The following MSH6 variants were observed in gnomAD, a reference collection of about 807,000 sequenced individuals.
MSH6 encodes the protein mutS homolog 6.
A neutral mutation model predicts 119.1 loss-of-function variants in MSH6; 85 were observed. The ratio of observed to expected loss-of-function variants is 0.71; its 90% CI spans 0.60 to 0.85. The LOEUF (loss-of-function observed/expected upper bound fraction) is 0.85. Ranked by LOEUF, MSH6 falls within the 40% of genes least tolerant of loss-of-function variation. The probability of loss-of-function intolerance (pLI) is 0.00; values close to 1 mark genes in which losing one functional copy is unlikely to be tolerated. For synonymous variants in MSH6, 830 were observed against 586.9 expected (o/e 1.41, Z -5.99); for missense variants, 2,163 against 1,655.3 (o/e 1.31, Z -5.32).
At chr2:47,792,992 A>G (rs1016927171) in intron 2 of MSH6, among the ~76,000 whole-genome samples, 8 of 150,684 alleles carry the variant, frequency 5.3e-5, no homozygotes, top group South Asian at 4.2e-4. Flanking sequence ...TTATTTTCTG[A>G]TACTGTTTAC....
Position 47,799,041 on chromosome 2 carries a change from G to A in MSH6, c.1058G>A (p.Ser353Asn), listed in dbSNP as rs1465861885. The A allele has an allele frequency of 6.2e-7, 1 of 1,614,080 alleles. No homozygotes were observed. The highest frequency in any genetic ancestry group is 8.5e-7 in the Non-Finnish European group (1 of 1,180,036). Residue 353 changes from serine (S) to asparagine (N), a missense_variant, in exon 4 of 10, where the codon AGT (serine) becomes AAT (asparagine). Transcript: ENST00000234420. ...AATTCTGAATCCCAAGCCCACGTTA[G>A]TGGAGGTGGTGATGACAGTAGTCGC... Reference protein sequence around the residue: ...PQNSESQAHVSGGGDDSSRPT... With the variant: ...PQNSESQAHVNGGGDDSSRPT...
At chr2:47,785,763 T>A (rs1450122410) in intron 1 of MSH6, among the ~76,000 whole-genome samples, 2 of 152,192 alleles carry the variant, frequency 1.3e-5, no homozygotes, top group African/African-American at 2.4e-5. Flanking sequence ...TGAGCATGAA[T>A]TGATTGTTGA....
intron 3 of MSH6, among the ~76,000 whole-genome samples, 156 bp from the exon 4 acceptor site, chr2:47,798,455 C>T (rs1014558835): frequency 2.0e-5 from 3 of 152,122 alleles, no homozygotes; most frequent in Non-Finnish European, 2.9e-5. Context: ...TAAGGAATTG[C>T]CTATCTCATG....
intron 4 of MSH6, among the ~76,000 whole-genome samples, chr2:47,802,889 T>C (rs145531898): frequency 4.8e-4 from 73 of 152,240 alleles, no homozygotes; most frequent in African/African-American, 1.7e-3. Flanking sequence ...GGCTTAAGTG[T>C]AGCATGTTTC....
Position 47,806,528 on chromosome 2 carries a change from C to A in MSH6, c.3878C>A (p.Ala1293Asp), listed in dbSNP as rs764835191. ...ITFLYKFIKG[A>D]CPKSYGFNAA... ...TTCCTCTATAAATTCATTAAGGGAG[C>A]TTGTCCTAAAAGCTATGGCTTTAAT... Residue 1293 changes from alanine to aspartate, a missense_variant, in exon 9 of 10, where the codon GCT (alanine) becomes GAT (aspartate). Ala to Asp is a moderately radical substitution (Grantham distance 126, BLOSUM62 -2). Coordinates refer to ENST00000234420, the MANE Select transcript of MSH6 (RefSeq NM_000179.3). 3 of 1,613,936 alleles carry A rather than the reference C, an allele frequency of 1.9e-6. No individual in the cohort carries two copies. The highest frequency in any genetic ancestry group is 2.5e-6 in the Non-Finnish European group (3 of 1,179,908).
downstream of MSH6, chr2:47,809,141 ATATATTT>A (rs1670441134): frequency 6.9e-7 from 1 of 1,442,954 alleles, no homozygotes; most frequent in Non-Finnish European, 9.6e-7. Context: ...CAGGACTCAA[ATATATTT>A]CTAAGTTACC....
intron 1 of MSH6, among the ~76,000 whole-genome samples, chr2:47,787,475 T>C: frequency 6.6e-6 from 1 of 152,206 alleles, no homozygotes; most frequent in Non-Finnish European, 1.5e-5. Context: ...TTTTAACATT[T>C]ATTTTGTGAG....
At chr2:47,809,917 C>G (rs765269112), downstream of MSH6, 27 of 541,812 alleles carry the variant, frequency 5.0e-5, no homozygotes, top group Non-Finnish European at 8.5e-5. Context: ...AACTTTCGCA[C>G]CAACCTAACT....
At chr2:47,784,046 A>G in intron 1 of MSH6, 2 of 1,014,896 alleles carry the variant, frequency 2.0e-6, no homozygotes, top group Non-Finnish European at 2.4e-6. Flanking sequence ...GTAGACACTT[A>G]GAGGTAGTTA....
chr2:47,802,248 C>A (rs1669645380), intron 4 of MSH6, among the ~76,000 whole-genome samples: 1 of 152,236 alleles, frequency 6.6e-6, no homozygotes, highest in Non-Finnish European at 1.5e-5. Context: ...GCAACCATCT[C>A]AACTTCATAA....
chr2:47,805,157 T>G, intron 6 of MSH6, 130 bp downstream of exon 6: 4 of 722,476 alleles, frequency 5.5e-6, no homozygotes, highest in Middle Eastern at 2.6e-4. Context: ...AAACATCACT[T>G]TTTAAGAACT....
chr2:47,804,263 A>G (rs916776621), intron 5 of MSH6, among the ~76,000 whole-genome samples: 1 of 152,120 alleles, frequency 6.6e-6, no homozygotes. Context: ...GATGTACACC[A>G]TCATGCCTAG....
chr2:47,790,987 T>C lies in MSH6; in HGVS notation c.321T>C (p.Pro107=), dbSNP rs730881823. The C allele has an allele frequency of 1.5e-5, 24 of 1,614,106 alleles. No individual in the cohort carries two copies. The highest frequency in any genetic ancestry group is 2.0e-5 in the Non-Finnish European group (24 of 1,180,048). The part of the protein sequence containing the change: ...WAKMEGYPWW[P]CLVYNHPFDG... ...AGATGGAGGGTTACCCCTGGTGGCCTTGTCTGGTTTACAACCACCCCTTTG... is the reference window on the plus strand; with the variant it reads ...AGATGGAGGGTTACCCCTGGTGGCCCTGTCTGGTTTACAACCACCCCTTTG... Residue 107 remains proline, a synonymous_variant, in exon 2 of 10, where the codon CCT becomes CCC. Transcript: ENST00000234420.
In MSH6 at chr2:47,799,169, C is replaced by T. The variant is rs2020908; in HGVS notation, c.1186C>T (p.Leu396Phe). ...PDHPDFDASTLYVPEDFLNSC... is the reference protein window; with the variant it reads ...PDHPDFDASTFYVPEDFLNSC... ...TCACCCCGATTTTGATGCATCTACA[C>T]TCTATGTGCCTGAGGATTTCCTCAA... The change falls in exon 4 of 10, where the codon CTC becomes TTC. Residue 396 changes from leucine to phenylalanine, a missense_variant. Leu to Phe is a conservative substitution (Grantham distance 22, BLOSUM62 0). Coordinates refer to ENST00000234420, the MANE Select transcript of MSH6 (RefSeq NM_000179.3). The T allele has an allele frequency of 6.2e-7, 1 of 1,614,176 alleles. No individual in the cohort carries two copies. Among genetic ancestry groups the T allele is most frequent in the Non-Finnish European group, 8.5e-7 (1 of 1,180,020 alleles).
chr2:47,809,397 A>G, downstream of MSH6: 2 of 689,124 alleles, frequency 2.9e-6, no homozygotes, highest in Non-Finnish European at 4.8e-6. Flanking sequence ...CAATGAAGTA[A>G]TTGTAAGAAA....
At chr2:47,803,381 CA>C (rs1669726241) in intron 4 of MSH6, 38 bp from the exon 5 acceptor site, 1 of 1,614,046 alleles carries the variant, frequency 6.2e-7, no homozygotes, top group Non-Finnish European at 8.5e-7. Context: ...ATAAAACCCC[CA>C]AACGATGAAG....
rs876660123 is a variant in MSH6 at position 47,800,120 on chromosome 2, G to A, written c.2137G>A (p.Asp713Asn). Residue 713 changes from aspartate (D) to asparagine (N), a missense_variant, in exon 4 of 10, where the codon GAT becomes AAT. By Grantham distance (23) the Asp-to-Asn change is conservative (BLOSUM62 1). Transcript: ENST00000234420. ...TAATTTTGAAGAATATATTCCCTTG[G>A]ATTCTGACACAGTCAGCACTACAAG... is the stretch of plus-strand genomic sequence containing the variant. ...MANFEEYIPL[D>N]SDTVSTTRSG... 7 of 1,613,970 alleles carry A rather than the reference G, an allele frequency of 4.3e-6. No individual in the cohort carries two copies. Among genetic ancestry groups the A allele is most frequent in the Admixed American group, 3.3e-5 (2 of 59,998 alleles).
In MSH6 at chr2:47,799,179, C is replaced by T. The variant is rs878853701; in HGVS notation, c.1196C>T (p.Pro399Leu). Residue 399 changes from proline (P) to leucine (L), a missense_variant, in exon 4 of 10, where the codon CCT becomes CTT. By Grantham distance (98) the Pro-to-Leu change is moderately conservative. Transcript: ENST00000234420. ...PDFDASTLYVPEDFLNSCTPG... is the reference protein window; with the variant it reads ...PDFDASTLYVLEDFLNSCTPG... ...TTTGATGCATCTACACTCTATGTGC[C>T]TGAGGATTTCCTCAATTCTTGTACT... 1.2e-6 allele frequency: 2 copies of T among 1,614,144 alleles called. No homozygotes were observed. Among genetic ancestry groups the T allele is most frequent in the Non-Finnish European group, 1.7e-6 (2 of 1,180,016 alleles).
At chr2:47,797,828 GC>G in intron 3 of MSH6, 1 of 227,190 alleles carries the variant, frequency 4.4e-6, no homozygotes. Context: ...GGATCACTTT[GC>G]CTGTCTCTTC....
Sources: allele counts gnomAD v4.1 joint callset (sites outside exome capture counted in the v4.1 genomes callset), GRCh38; gene constraint gnomAD v4.1.1; transcripts MANE v1.5; gene names NCBI Gene and HGNC (gene_info 2026-07-23, HGNC 2026-07-21).